CASZ1: variants seen among roughly 807,000 people sequenced by gnomAD.
CASZ1 encodes the protein zinc finger protein castor homolog 1.
Under a neutral mutation model 135.2 loss-of-function variants are expected in CASZ1, and 28 were observed. The observed-to-expected ratio is 0.21, with a 90% CI of 0.15 to 0.28. The LOEUF (loss-of-function observed/expected upper bound fraction) is 0.28. Among genes scored for constraint, CASZ1 ranks in the 10% least tolerant of loss-of-function variants. The probability of loss-of-function intolerance (pLI) is 1.00; values close to 1 mark genes in which losing one functional copy is unlikely to be tolerated. For missense variants in CASZ1, 2,161 were observed against 2,453.3 expected (o/e 0.88, Z 2.52); for synonymous variants, 1,068 against 1,073.4 (o/e 0.99, Z 0.10).
rs1038106255 is a variant in CASZ1, at chr1:10,656,573, G to A, written c.1500+73C>T. The A allele has an allele frequency of 1.7e-5, 20 of 1,191,078 alleles. No homozygotes were observed. In the Admixed American group the frequency reaches 2.0e-4, roughly 12 times the overall value. 73.8% of individuals were successfully genotyped at this position (1,191,078 alleles called of 1,614,324 possible). ...ACTAACCCCCCCCACTGCCGTCCCC[G>A]CCTGCCGACTTCTAAGCGCCTCCAT... On this transcript the variant is annotated intron_variant, in intron 8 of 20. Transcript: ENST00000377022.
rs1639032380 is a variant in CASZ1, at chr1:10,700,163, T to TGGCCCAGCCTGTGGCCCC, written c.-24+5311_-24+5328dup. Among the ~76,000 whole-genome samples the TGGCCCAGCCTGTGGCCCC allele has an allele frequency of 6.6e-6, 1 of 151,258 alleles. No homozygotes were observed. The highest frequency in any genetic ancestry group is 1.9e-4 in the East Asian group (1 of 5,146). On this transcript the variant is annotated intron_variant, in intron 3 of 20. Transcript: ENST00000377022. This position sits in a 1 kb window ranked among gnomAD's most constrained non-coding sequence, Gnocchi z 4.2. ...GGCTAGTTGGGTTGCCCTGTGGGCC[T>TGGCCCAGCCTGTGGCCCC]GGCCCAGCCTGTGGCCCCAGCCCGG...
Position 10,667,357 on chromosome 1 carries a change from C to T in CASZ1, c.17-1786G>A, listed in dbSNP as rs373922881. 5.9e-5 allele frequency among the ~76,000 whole-genome samples: 9 copies of T among 152,318 alleles called. No homozygotes were observed. The South Asian group carries it at 1.0e-3, about 18-fold the overall frequency. ...AGAGAAGGGTCTTCTCAGCCCACTCCCAGGCCTTCCAGTCCTGTGACCCTG... is the reference window on the plus strand; with the variant it reads ...AGAGAAGGGTCTTCTCAGCCCACTCTCAGGCCTTCCAGTCCTGTGACCCTG... On this transcript the variant is annotated intron_variant, in intron 4 of 20. Transcript: ENST00000377022.
In CASZ1 at chr1:10,686,696, C is replaced by T. The variant is rs139050553; in HGVS notation, c.16+7178G>A. On this transcript the variant is annotated intron_variant, in intron 4 of 20. Coordinates refer to ENST00000377022, the MANE Select transcript of CASZ1 (RefSeq NM_001079843.3). ...TTATTGCTTCTCCCCTTAATGGGGC[C>T]GTAACCGTGGAAACGAGGAATAAAC... Among the ~76,000 whole-genome samples the T allele has an allele frequency of 4.6e-5, 7 of 152,338 alleles. No individual in the cohort carries two copies. In the South Asian group the frequency reaches 8.3e-4, roughly 18 times the overall value.
rs573804489 is a variant in CASZ1 at position 10,639,764 on chromosome 1, G to T, written c.4458C>A (p.Asn1486Lys). ...AGCGCTTGAAGTCGTCCAGCACCAG[G>T]TTGTCCACGCGGTCGTGGTGCTGCG... is the stretch of plus-strand genomic sequence containing the variant. Reference protein sequence around the residue: ...KHAQHHDRVDNLVLDDFKRFK... With the variant: ...KHAQHHDRVDKLVLDDFKRFK... The change falls in exon 21 of 21, where the codon AAC becomes AAA. Residue 1486 changes from asparagine (N) to lysine (K), a missense_variant. By Grantham distance (94) the Asn-to-Lys change is moderately conservative. This residue lies in a region of CASZ1 where 240 missense variants were observed against 321.4 expected (regional missense o/e 0.75). Coordinates refer to ENST00000377022, the MANE Select transcript of CASZ1 (RefSeq NM_001079843.3). This position sits in a 1 kb window ranked among gnomAD's most constrained non-coding sequence, Gnocchi z 4.0. 5 of 1,599,496 alleles carry T rather than the reference G, an allele frequency of 3.1e-6. No homozygotes were observed. Among genetic ancestry groups the T allele is most frequent in the Non-Finnish European group, 4.3e-6 (5 of 1,173,692 alleles).
At position 10,679,223 on chromosome 1, in the gene CASZ1, C is replaced by G. The variant is rs946606757; in HGVS notation, c.17-13652G>C. Among the ~76,000 whole-genome samples, 1 of 152,304 alleles carries G rather than the reference C, an allele frequency of 6.6e-6. No individual in the cohort carries two copies. Among genetic ancestry groups the G allele is most frequent in the East Asian group, 1.9e-4 (1 of 5,180 alleles). On this transcript the variant is annotated intron_variant, in intron 4 of 20. Transcript: ENST00000377022. The surrounding 1 kb of genome is among the most constrained non-coding windows in gnomAD (Gnocchi z 4.7). The stretch of plus-strand genomic sequence containing the variant: ...TGAAAGCATAGGCTGATCCTGGGAG[C>G]CTGCTGCCCTGCCAAAGGGCCCCTG...
intron 1 of CASZ1, among the ~76,000 whole-genome samples, chr1:10,787,895 A>G (rs757514060): frequency 8.5e-4 from 129 of 152,108 alleles, no homozygotes; most frequent in Non-Finnish European, 1.6e-3. Flanking sequence ...CATCCCCTTT[A>G]AAAGCTCCCC....
Position 10,676,665 on chromosome 1 carries a change from C to G in CASZ1, c.17-11094G>C, listed in dbSNP as rs1055570094. ...CTCCACCTTGGTGCCTGCCCTCGAC[C>G]AGCCTACAGCTCAGAAACGAGCCCC... On this transcript the variant is annotated intron_variant, in intron 4 of 20. Coordinates refer to ENST00000377022, the MANE Select transcript of CASZ1 (RefSeq NM_001079843.3). This position sits in a 1 kb window ranked among gnomAD's most constrained non-coding sequence, Gnocchi z 4.5. Among the ~76,000 whole-genome samples the G allele has an allele frequency of 4.6e-5, 7 of 152,196 alleles. No individual in the cohort carries two copies. The highest frequency in any genetic ancestry group is 6.5e-5 in the Admixed American group (1 of 15,288).
chr1:10,704,127 A>G (rs1388439890), intron 3 of CASZ1: 1 of 152,300 alleles, frequency 6.6e-6, no homozygotes, highest in Admixed American at 6.5e-5. Flanking sequence ...TGGGAAGCCA[A>G]TATCCAGGAA....
At position 10,700,036 on chromosome 1, in the gene CASZ1, CAGAG is replaced by C. The variant is rs200474703; in HGVS notation, c.-24+5452_-24+5455del. ...AGAGACAGAGAAAGAGAGAGAGAGA[CAGAG>C]AGAGAGAGAAAGAGAGACAGAGAGA... On this transcript the variant is annotated intron_variant, in intron 3 of 20. Transcript: ENST00000377022. The surrounding 1 kb of genome is among the most constrained non-coding windows in gnomAD (Gnocchi z 4.2). Among the ~76,000 whole-genome samples the C allele has an allele frequency of 0.011, 1,525 of 138,626 alleles. 28 individuals are homozygous for C. Among genetic ancestry groups the C allele is most frequent in the African/African-American group, 0.036 (1,278 of 35,828 alleles). 90.9% of individuals were successfully genotyped at this position (138,626 alleles called of 152,430 possible).
At chr1:10,650,639 G>T in intron 13 of CASZ1, 53 bp downstream of exon 13, 1 of 1,465,310 alleles carries the variant, frequency 6.8e-7, no homozygotes, top group Non-Finnish European at 9.6e-7. Flanking sequence ...CCCCAGCACA[G>T]CTTTAATTTC....
At chr1:10,779,922 C>T (rs933303643) in intron 1 of CASZ1, among the ~76,000 whole-genome samples, 3 of 152,142 alleles carry the variant, frequency 2.0e-5, no homozygotes, top group Admixed American at 6.5e-5. Context: ...CCCGAGTGAC[C>T]CAGATCACCT....
intron 18 of CASZ1, among the ~76,000 whole-genome samples, chr1:10,644,466 C>G (rs1416615086): frequency 6.6e-6 from 1 of 152,186 alleles, no homozygotes; most frequent in East Asian, 1.9e-4. Flanking sequence ...CACAGCTGTC[C>G]CTCCATAAAT....
Position 10,676,722 on chromosome 1 carries a change from G to A in CASZ1, c.17-11151C>T, listed in dbSNP as rs749576111. On this transcript the variant is annotated intron_variant, in intron 4 of 20. Coordinates refer to ENST00000377022, the MANE Select transcript of CASZ1 (RefSeq NM_001079843.3). This position sits in a 1 kb window ranked among gnomAD's most constrained non-coding sequence, Gnocchi z 4.5. ...GGGGCGAGCAGCCCCACAGTTTCCT[G>A]ACGTGGACGCCTTTGCTGGTTCCTC... Among the ~76,000 whole-genome samples, 1 of 152,220 alleles carries A rather than the reference G, an allele frequency of 6.6e-6. No homozygotes were observed. The highest frequency in any genetic ancestry group is 1.5e-5 in the Non-Finnish European group (1 of 68,040).
intron 12 of CASZ1, 42 bp downstream of exon 12, chr1:10,650,899 T>C (rs375450938): frequency 2.5e-6 from 4 of 1,606,642 alleles, no homozygotes; most frequent in Non-Finnish European, 3.4e-6. Flanking sequence ...AGCTCGAAGG[T>C]GTGGTTCCCG....
rs1012973572 is a variant in CASZ1 at position 10,748,625 on chromosome 1, G to C, written c.-77+12076C>G. ...TCTCTCTCCATGGTACCTCTTTCTCGCAGTCAGCTCCCCGACCTGACCACT... is the reference window on the plus strand; with the variant it reads ...TCTCTCTCCATGGTACCTCTTTCTCCCAGTCAGCTCCCCGACCTGACCACT... On this transcript the variant is annotated intron_variant, in intron 2 of 20. Transcript: ENST00000377022. Among the ~76,000 whole-genome samples the C allele has an allele frequency of 5.3e-5, 8 of 152,158 alleles. No individual in the cohort carries two copies. In the East Asian group the frequency reaches 1.5e-3, roughly 29 times the overall value.
chr1:10,682,032 C>G (rs1347709259), intron 4 of CASZ1, among the ~76,000 whole-genome samples: 5 of 152,250 alleles, frequency 3.3e-5, no homozygotes, highest in African/African-American at 4.8e-5. Flanking sequence ...GTGCGACTCT[C>G]TCCCTCCACC....
At chr1:10,763,542 G>C (rs2100580093) in intron 1 of CASZ1, among the ~76,000 whole-genome samples, 1 of 152,272 alleles carries the variant, frequency 6.6e-6, no homozygotes, top group East Asian at 1.9e-4. Flanking sequence ...GCCTCTTCAA[G>C]GTAGCCTTCT....
Position 10,724,989 on chromosome 1 carries a change from G to C in CASZ1, c.-76-19445C>G, listed in dbSNP as rs1639570474. On this transcript the variant is annotated intron_variant, in intron 2 of 20. Transcript: ENST00000377022. This position sits in a 1 kb window ranked among gnomAD's most constrained non-coding sequence, Gnocchi z 4.1. ...AAATTACTTAATGTGTTGTAAATCT[G>C]GGGGAATTCAGGAGTAATTGGGACC... Among the ~76,000 whole-genome samples, 1 of 152,230 alleles carries C rather than the reference G, an allele frequency of 6.6e-6. No homozygotes were observed. Among genetic ancestry groups the C allele is most frequent in the South Asian group, 2.1e-4 (1 of 4,834 alleles).
chr1:10,649,665 T>A, intron 13 of CASZ1: 1 of 529,926 alleles, frequency 1.9e-6, no homozygotes, highest in Non-Finnish European at 3.3e-6. Context: ...TCAGGGCTCC[T>A]CCACATGAGC....
Sources: gnomAD v4.1 joint callset for allele counts (sites outside exome capture counted in the v4.1 genomes callset) on GRCh38, gnomAD v4.1.1 for gene constraint, gnomAD v4.1.1 regional missense constraint, Gnocchi (gnomAD v3.1) non-coding constraint, MANE v1.5 for transcripts, NCBI Gene and HGNC (gene_info 2026-07-23, HGNC 2026-07-21) for gene names.